DTHD1: variants seen among roughly 807,000 people sequenced by gnomAD.
DTHD1 encodes the protein death domain containing 1.
A neutral mutation model predicts 74.8 loss-of-function variants in DTHD1; 59 were observed. The ratio of observed to expected loss-of-function variants is 0.79; its 90% confidence interval spans 0.64 to 0.98. The LOEUF (loss-of-function observed/expected upper bound fraction) is 0.98, where lower values mean the gene tolerates loss of function less well. Among genes scored for constraint, DTHD1 ranks in the 50% least tolerant of loss-of-function variants. DTHD1 has a pLI of 0.00. For synonymous variants in DTHD1, 365 were observed against 371.1 expected, an observed-to-expected ratio of 0.98 and a Z score of 0.19; for missense variants, 1,051 against 1,065.4, an observed-to-expected ratio of 0.99 and a Z score of 0.19.
chr4:36,311,010 A>C (rs1467003841), intron 7 of DTHD1, among the ~76,000 whole-genome samples: 1 of 152,170 alleles, frequency 6.6e-6, no homozygotes, highest in East Asian at 1.9e-4. Flanking sequence ...AATGATGCAA[A>C]TGATTTTCCT....
intron 5 of DTHD1, among the ~76,000 whole-genome samples, chr4:36,303,292 T>C (rs1296632773): frequency 6.6e-6 from 1 of 152,238 alleles, no homozygotes; most frequent in Non-Finnish European, 1.5e-5. Context: ...GACACAAGTA[T>C]ACTATCAGAT....
intron 5 of DTHD1, 134 bp from the exon 6 acceptor site, chr4:36,306,057 A>G (rs1757030018): frequency 1.1e-6 from 1 of 887,818 alleles, no homozygotes; most frequent in Non-Finnish European, 1.7e-6. Flanking sequence ...TTCCTGGTGC[A>G]AAGCATAATT....
At position 36,343,727 on chromosome 4, in the gene DTHD1, A is replaced by C; in HGVS notation, c.2624A>C (p.Lys875Thr). Residue 875 changes from lysine to threonine, a missense_variant, in exon 10 of 10, where the codon AAG becomes ACG. Lys to Thr is a moderately conservative substitution (Grantham distance 78). Coordinates refer to ENST00000639862, the MANE Select transcript of DTHD1 (RefSeq NM_001170700.3). ...CGCCTCCTGGCTCGACATCTCCGCA[A>C]GATTGGCAGGAGTGATCTTGCAGAA... Reference protein sequence around the residue: ...KLRLLARHLRKIGRSDLAEEL... With the variant: ...KLRLLARHLRTIGRSDLAEEL... The C allele has an allele frequency of 6.4e-7, 1 of 1,551,624 alleles. No individual in the cohort carries two copies. Among genetic ancestry groups the C allele is most frequent in the Non-Finnish European group, 8.7e-7 (1 of 1,146,918 alleles).
At chr4:36,301,933 G>T (rs920281322) in intron 5 of DTHD1, among the ~76,000 whole-genome samples, 5 of 152,070 alleles carry the variant, frequency 3.3e-5, no homozygotes, top group South Asian at 2.1e-4. Flanking sequence ...TTCATCCTAG[G>T]ATGACCTAGG....
intron 5 of DTHD1, among the ~76,000 whole-genome samples, chr4:36,296,810 T>C (rs1310536402): frequency 6.6e-6 from 1 of 152,092 alleles, no homozygotes; most frequent in African/African-American, 2.4e-5. Context: ...CTATGCTTTA[T>C]ATAGTTGATC....
intron 7 of DTHD1, among the ~76,000 whole-genome samples, chr4:36,309,839 G>A (rs565981375): frequency 6.6e-6 from 1 of 152,266 alleles, no homozygotes; most frequent in African/African-American, 2.4e-5. Context: ...TATATCTAGA[G>A]AATGATTTCA....
chr4:36,326,066 A>T (rs1758325362), intron 8 of DTHD1, among the ~76,000 whole-genome samples: 1 of 152,126 alleles, frequency 6.6e-6, no homozygotes, highest in Admixed American at 6.5e-5. Flanking sequence ...TTTTTATATT[A>T]CATTTCCCCA....
intron 8 of DTHD1, among the ~76,000 whole-genome samples, chr4:36,335,523 A>G (rs1262429061): frequency 3.3e-5 from 5 of 152,160 alleles, no homozygotes; most frequent in African/African-American, 9.7e-5. Context: ...TATTGCACCC[A>G]ACCAATAAAA....
intron 9 of DTHD1, among the ~76,000 whole-genome samples, chr4:36,342,309 A>G (rs1377531932): frequency 6.6e-6 from 1 of 152,186 alleles, no homozygotes; most frequent in Non-Finnish European, 1.5e-5. Flanking sequence ...TTTGTATTGT[A>G]AAATCAGGGT....
At chr4:36,328,088 G>A (rs1474544830) in intron 8 of DTHD1, among the ~76,000 whole-genome samples, 1 of 152,174 alleles carries the variant, frequency 6.6e-6, no homozygotes, top group African/African-American at 2.4e-5. Flanking sequence ...ATAAAAAAAT[G>A]TGCATGGGTT....
chr4:36,323,712 A>T (rs1007471973), intron 8 of DTHD1, among the ~76,000 whole-genome samples: 5 of 152,124 alleles, frequency 3.3e-5, no homozygotes, highest in Non-Finnish European at 5.9e-5. Context: ...TAAGTTTTCC[A>T]TAACTTAGTG....
chr4:36,321,505 A>G (rs1758036512), intron 8 of DTHD1, among the ~76,000 whole-genome samples: 1 of 152,118 alleles, frequency 6.6e-6, no homozygotes, highest in South Asian at 2.1e-4. Context: ...ACTGTCTCCC[A>G]TCACCCCCAG....
intron 8 of DTHD1, among the ~76,000 whole-genome samples, chr4:36,323,586 A>C (rs536327121): frequency 9.4e-6 from 1 of 106,236 alleles, no homozygotes; most frequent in East Asian, 2.2e-4. Flanking sequence ...GTATTTTAAA[A>C]AGCAGATTGA....
chr4:36,284,708 G>A, intron 2 of DTHD1, 117 bp downstream of exon 2: 1 of 819,498 alleles, frequency 1.2e-6, no homozygotes, highest in Non-Finnish European at 1.8e-6. Flanking sequence ...AAAGTGAGTA[G>A]CTTTTAAACA....
chr4:36,283,145 C>A (rs972689536), intron 1 of DTHD1, among the ~76,000 whole-genome samples: 3 of 152,132 alleles, frequency 2.0e-5, no homozygotes, highest in African/African-American at 7.2e-5. Flanking sequence ...GAACTGAATT[C>A]TAAAGACTAG....
intron 7 of DTHD1, among the ~76,000 whole-genome samples, chr4:36,314,069 G>GTTTTTTTTTTTTT (rs375245524): frequency 7.2e-6 from 1 of 138,992 alleles, no homozygotes; most frequent in Non-Finnish European, 1.6e-5. Context: ...CTAGGAATCT[G>GTTTTTTTTTTTTT]TTTTTTTTTT....
chr4:36,317,521 T>A (rs537002696), intron 8 of DTHD1, among the ~76,000 whole-genome samples: 7 of 152,156 alleles, frequency 4.6e-5, no homozygotes, highest in African/African-American at 1.2e-4. Context: ...TAAATTTATA[T>A]TTTGGTTATA....
Position 36,293,627 on chromosome 4 carries a change from T to C in DTHD1, c.1320T>C (p.Leu440=), listed in dbSNP as rs1438549546. 4 of 1,549,984 alleles carry C rather than the reference T, an allele frequency of 2.6e-6. No homozygotes were observed. Among genetic ancestry groups the C allele is most frequent in the Non-Finnish European group, 3.5e-6 (4 of 1,145,814 alleles). Residue 440 remains leucine, a synonymous_variant, in exon 4 of 10, where the codon CTT becomes CTC. Transcript: ENST00000639862. ...CAGTAACAAAGAAAGGCCTCGCTCT[T>C]AAGTCAAGCATGGATTCCCGAATAT... ...SFTVTKKGLA[L]KSSMDSRISL...
In DTHD1 at chr4:36,285,220, T is replaced by C. The variant is rs146691715; in HGVS notation, c.887+629T>C. Among the ~76,000 whole-genome samples, 6 of 152,296 alleles carry C rather than the reference T, an allele frequency of 3.9e-5. 1 individual carries two copies. Among genetic ancestry groups the C allele is most frequent in the African/African-American group, 1.4e-4 (6 of 41,556 alleles). Reference sequence around the variant, plus strand: ...CGAAAGTAGTTAAAATGAGCAATTGTCCAGATCATGAATACTTTGCAAATT... The same window carrying C: ...CGAAAGTAGTTAAAATGAGCAATTGCCCAGATCATGAATACTTTGCAAATT... On this transcript the variant is annotated intron_variant, in intron 2 of 9. Coordinates refer to ENST00000639862, the MANE Select transcript of DTHD1 (RefSeq NM_001170700.3).
Sources: allele counts gnomAD v4.1 joint callset (sites outside exome capture counted in the v4.1 genomes callset), GRCh38; gene constraint gnomAD v4.1.1; transcripts MANE v1.5; gene names NCBI Gene and HGNC (gene_info 2026-07-23, HGNC 2026-07-21).